Variants in RALYL observed in about 807,000 individuals in gnomAD.
RALYL encodes RALY RNA binding protein like, also known as RNA-binding Raly-like protein.
RALYL carries 29 observed loss-of-function variants against 35.1 expected under a neutral mutation model. The ratio of observed to expected loss-of-function variants is 0.83; its 90% CI spans 0.61 to 1.13. RALYL has a LOEUF of 1.13. Among genes scored for constraint, RALYL ranks in the 50% most tolerant of loss-of-function variants. The pLI is 0.00. For missense variants in RALYL, 359 were observed against 360.4 expected (o/e 1.00, Z 0.03); for synonymous variants, 120 against 127.6 (o/e 0.94, Z 0.40).
chr8:84,271,165 T>TA (rs144039881), intron 1 of RALYL, among the ~76,000 whole-genome samples: 142 of 136,352 alleles, frequency 1.0e-3, no homozygotes, highest in African/African-American at 3.0e-3. Flanking sequence ...AACAGACATT[T>TA]AAAAAAAAAA....
intron 1 of RALYL, among the ~76,000 whole-genome samples, chr8:84,318,036 A>G (rs1321460364): frequency 6.6e-6 from 1 of 152,176 alleles, no homozygotes; most frequent in Non-Finnish European, 1.5e-5. Context: ...TTTTGTAGAC[A>G]ACGAAAATAG....
At chr8:84,674,367 C>A (rs1306063857) in intron 2 of RALYL, among the ~76,000 whole-genome samples, 2 of 152,062 alleles carry the variant, frequency 1.3e-5, no homozygotes, top group African/African-American at 4.8e-5. Context: ...GCCTTTATTT[C>A]TTTCTCTTGC....
At chr8:84,503,292 T>C (rs1445049810) in intron 1 of RALYL, among the ~76,000 whole-genome samples, 2 of 150,978 alleles carry the variant, frequency 1.3e-5, no homozygotes, top group Non-Finnish European at 2.9e-5. Flanking sequence ...TAGCTGGAAC[T>C]ACAGGCACAC....
At chr8:84,378,155 T>A (rs2131561678) in intron 1 of RALYL, among the ~76,000 whole-genome samples, 1 of 152,050 alleles carries the variant, frequency 6.6e-6, no homozygotes, top group South Asian at 2.1e-4. Context: ...ACCTTCAAGG[T>A]AACATTTATG....
At chr8:84,297,833 C>A (rs775329742) in intron 1 of RALYL, among the ~76,000 whole-genome samples, 1 of 151,978 alleles carries the variant, frequency 6.6e-6, no homozygotes, top group African/African-American at 2.4e-5. Context: ...TTGTTGTTTG[C>A]GTGTATGTCT....
At chr8:84,243,501 CTTTTTTTT>C (rs34469585) in intron 1 of RALYL, among the ~76,000 whole-genome samples, 1 of 97,480 alleles carries the variant, frequency 1.0e-5, no homozygotes, top group Non-Finnish European at 2.0e-5. Flanking sequence ...CTCTCTCACA[CTTTTTTTT>C]TTTTTTTTTT....
At chr8:84,457,518 A>G (rs1019381428) in intron 1 of RALYL, among the ~76,000 whole-genome samples, 2 of 151,868 alleles carry the variant, frequency 1.3e-5, no homozygotes, top group Non-Finnish European at 2.9e-5. Flanking sequence ...GGACATATTA[A>G]TGTTTCACCT....
intron 1 of RALYL, among the ~76,000 whole-genome samples, chr8:84,412,919 A>G (rs557464306): frequency 6.6e-6 from 1 of 152,124 alleles, no homozygotes; most frequent in South Asian, 2.1e-4. Flanking sequence ...TGGTTATGAC[A>G]GCAAAGTCCT....
chr8:84,886,793 GCTT>G (rs1476425114), intron 7 of RALYL, among the ~76,000 whole-genome samples: 1 of 152,148 alleles, frequency 6.6e-6, no homozygotes, highest in Non-Finnish European at 1.5e-5. Context: ...GTGGAGTGTA[GCTT>G]CATTTGTTGA....
intron 2 of RALYL, among the ~76,000 whole-genome samples, chr8:84,560,570 A>G (rs1023840426): frequency 6.6e-6 from 1 of 152,000 alleles, no homozygotes; most frequent in African/African-American, 2.4e-5. Context: ...ACCAAAATTT[A>G]GTTGTTCTCT....
At chr8:84,811,423 GCTT>G (rs1554600288) in intron 4 of RALYL, among the ~76,000 whole-genome samples, 1 of 152,144 alleles carries the variant, frequency 6.6e-6, no homozygotes, top group Non-Finnish European at 1.5e-5. Context: ...GTTACCTGGT[GCTT>G]CTGTCTCACA....
In RALYL at chr8:84,197,353, A is replaced by T. The variant is rs939951457; in HGVS notation, c.-24+12929A>T. Reference sequence around the variant, plus strand: ...CAGACCAGTTTCTTCTGAGTCTCACATGTTTTCTAATATGGAGTTAAAGAC... The same window carrying T: ...CAGACCAGTTTCTTCTGAGTCTCACTTGTTTTCTAATATGGAGTTAAAGAC... On this transcript the variant is annotated intron_variant, in intron 1 of 8. Transcript: ENST00000521268. 2.6e-5 allele frequency among the ~76,000 whole-genome samples: 4 copies of T among 152,244 alleles called. No individual in the cohort carries two copies. The South Asian group carries it at 6.2e-4, about 24-fold the overall frequency.
intron 1 of RALYL, among the ~76,000 whole-genome samples, chr8:84,334,796 A>C (rs889282870): frequency 6.6e-6 from 1 of 152,048 alleles, no homozygotes; most frequent in Non-Finnish European, 1.5e-5. Flanking sequence ...TTTTTGCATT[A>C]TGAAGAATTA....
intron 1 of RALYL, among the ~76,000 whole-genome samples, chr8:84,475,704 G>A (rs10088565): frequency 0.039 from 6,002 of 152,174 alleles, 239 homozygotes; most frequent in African/African-American, 0.098. Context: ...GAAAAAAAAG[G>A]CTTTTGAATC....
chr8:84,688,118 G>GTT (rs543930129), intron 2 of RALYL, among the ~76,000 whole-genome samples: 2 of 146,780 alleles, frequency 1.4e-5, no homozygotes, highest in East Asian at 2.0e-4. Context: ...ACTCCTCATA[G>GTT]TTTTTTTTTT....
intron 1 of RALYL, among the ~76,000 whole-genome samples, chr8:84,391,464 A>G (rs1431860205): frequency 1.3e-5 from 2 of 152,054 alleles, no homozygotes; most frequent in Non-Finnish European, 2.9e-5. Context: ...TTACTTATTA[A>G]AAGTCAAAAT....
chr8:84,366,640 T>A (rs1016581439), intron 1 of RALYL, among the ~76,000 whole-genome samples: 1 of 151,494 alleles, frequency 6.6e-6, no homozygotes, highest in Non-Finnish European at 1.5e-5. Context: ...TTGGATGTGG[T>A]GGCTTGTGCA....
intron 1 of RALYL, among the ~76,000 whole-genome samples, chr8:84,187,040 G>T (rs555207485): frequency 6.6e-6 from 1 of 151,456 alleles, no homozygotes; most frequent in South Asian, 2.1e-4. Flanking sequence ...TAAGCGAGAA[G>T]GAGGGAAAAA....
At chr8:84,549,958 TTG>T (rs1256880164) in intron 2 of RALYL, among the ~76,000 whole-genome samples, 2 of 152,180 alleles carry the variant, frequency 1.3e-5, no homozygotes, top group Non-Finnish European at 2.9e-5. Flanking sequence ...TGAGGAACAT[TTG>T]TGGAGTACTG....
Sources: allele counts gnomAD v4.1 joint callset (sites outside exome capture counted in the v4.1 genomes callset), GRCh38; gene constraint gnomAD v4.1.1; transcripts MANE v1.5; gene names NCBI Gene and HGNC (gene_info 2026-07-23, HGNC 2026-07-21).